The following ABCA13 variants were observed in gnomAD, a reference collection of about 807,000 sequenced individuals.
ABCA13 encodes ATP-binding cassette sub-family A member 13.
Under a neutral mutation model 478.7 loss-of-function variants are expected in ABCA13, and 476 were observed. The ratio of observed to expected loss-of-function variants is 0.99; its 90% confidence interval spans 0.92 to 1.07. The LOEUF is 1.07. ABCA13 is among the 50% of genes least tolerant of loss of function. The pLI, the probability that ABCA13 is intolerant of heterozygous loss-of-function variation, is 0.00. For missense variants in ABCA13, 6,060 were observed against 5,910.6 expected (o/e 1.03, Z -0.83); for synonymous variants, 2,252 against 2,158.9 (o/e 1.04, Z -1.20).
intron 59 of ABCA13, among the ~76,000 whole-genome samples, chr7:48,627,326 G>A (rs1460943079): frequency 6.6e-6 from 1 of 152,078 alleles, no homozygotes; most frequent in Non-Finnish European, 1.5e-5. Context: ...AAAGAACAAA[G>A]CTTTGCTTCA....
chr7:48,415,057 A>G (rs1819792056), intron 41 of ABCA13, among the ~76,000 whole-genome samples: 1 of 152,172 alleles, frequency 6.6e-6, no homozygotes, highest in African/African-American at 2.4e-5. Flanking sequence ...TTTTCCCCAG[A>G]TTGCATGAGT....
chr7:48,385,078 A>G (rs1302317093), intron 35 of ABCA13, among the ~76,000 whole-genome samples: 1 of 152,206 alleles, frequency 6.6e-6, no homozygotes, highest in Non-Finnish European at 1.5e-5. Flanking sequence ...AACTCAGCCC[A>G]CAAAGAAAAG....
chr7:48,455,319 T>C, intron 43 of ABCA13, 33 bp downstream of exon 43: 1 of 1,573,558 alleles, frequency 6.4e-7, no homozygotes, highest in Non-Finnish European at 8.7e-7. Context: ...ATTTCGAAAT[T>C]ATGTCGAGGC....
At chr7:48,482,592 C>T (rs2130567694) in intron 46 of ABCA13, among the ~76,000 whole-genome samples, 1 of 151,854 alleles carries the variant, frequency 6.6e-6, no homozygotes, top group Middle Eastern at 3.4e-3. Flanking sequence ...CAGGGTTTCA[C>T]CATGTTGGCC....
At chr7:48,425,780 G>T (rs1821327206) in intron 41 of ABCA13, among the ~76,000 whole-genome samples, 2 of 150,224 alleles carry the variant, frequency 1.3e-5, no homozygotes, top group South Asian at 4.3e-4. Flanking sequence ...TCTCGCTGTC[G>T]CCCAGGTTGG....
intron 47 of ABCA13, among the ~76,000 whole-genome samples, chr7:48,487,647 A>C (rs11762388): frequency 0.16 from 25,076 of 152,240 alleles, 2,275 homozygotes; most frequent in East Asian, 0.3. Flanking sequence ...GGGGAGAAGG[A>C]GGTCACAGAC....
At chr7:48,323,859 G>A (rs996186015) in intron 27 of ABCA13, among the ~76,000 whole-genome samples, 3 of 152,118 alleles carry the variant, frequency 2.0e-5, no homozygotes, top group African/African-American at 7.2e-5. Flanking sequence ...TACTGTTCTC[G>A]TGAGAGTGAA....
At chr7:48,406,620 T>A (rs1194633849) in intron 39 of ABCA13, among the ~76,000 whole-genome samples, 1 of 152,020 alleles carries the variant, frequency 6.6e-6, no homozygotes, top group Non-Finnish European at 1.5e-5. Context: ...TGCCTATAAT[T>A]CCAGCACTTT....
At chr7:48,333,231 GACCATCTAGTGAGTTCTT>G (rs1805684800) in intron 27 of ABCA13, among the ~76,000 whole-genome samples, 1 of 152,144 alleles carries the variant, frequency 6.6e-6, no homozygotes, top group African/African-American at 2.4e-5. Context: ...CTTCTACTGA[GACCATCTAGTGAGTTCTT>G]GTATTTGCGT....
intron 26 of ABCA13, 114 bp from the exon 27 acceptor site, chr7:48,317,043 A>T: frequency 7.5e-7 from 1 of 1,336,636 alleles, no homozygotes; most frequent in South Asian, 1.4e-5. Flanking sequence ...TGGTGTCAGA[A>T]AAAAATATGG....
chr7:48,330,997 A>C (rs758601457), intron 27 of ABCA13, among the ~76,000 whole-genome samples: 37 of 152,302 alleles, frequency 2.4e-4, no homozygotes, highest in Admixed American at 1.2e-3. Flanking sequence ...TCCTTTTCAA[A>C]TCTTCAAATT....
At chr7:48,226,703 G>A (rs1015304143) in intron 5 of ABCA13, among the ~76,000 whole-genome samples, 2 of 152,084 alleles carry the variant, frequency 1.3e-5, no homozygotes, top group Non-Finnish European at 2.9e-5. Flanking sequence ...AGGCACTGGA[G>A]ACCCATGTTC....
At chr7:48,322,998 C>T (rs1449505279) in intron 27 of ABCA13, among the ~76,000 whole-genome samples, 2 of 152,124 alleles carry the variant, frequency 1.3e-5, no homozygotes, top group Non-Finnish European at 2.9e-5. Context: ...CTGTGATTCA[C>T]CCAGGTCATT....
intron 41 of ABCA13, among the ~76,000 whole-genome samples, chr7:48,420,148 A>G (rs760227079): frequency 1.3e-5 from 2 of 152,200 alleles, no homozygotes; most frequent in Non-Finnish European, 2.9e-5. Context: ...TACAGGAGTG[A>G]GGAGGACCTG....
intron 59 of ABCA13, among the ~76,000 whole-genome samples, chr7:48,631,001 G>A (rs1450773755): frequency 6.6e-6 from 1 of 151,354 alleles, no homozygotes; most frequent in Non-Finnish European, 1.5e-5. Context: ...TTTTTTAATG[G>A]GGTTATTTGT....
At chr7:48,415,693 T>C (rs998814243) in intron 41 of ABCA13, among the ~76,000 whole-genome samples, 16 of 152,208 alleles carry the variant, frequency 1.1e-4, no homozygotes, top group Non-Finnish European at 2.2e-4. Flanking sequence ...AGTGAAATTT[T>C]GTGGAACATT....
intron 53 of ABCA13, among the ~76,000 whole-genome samples, chr7:48,523,858 A>G (rs532273958): frequency 6.6e-6 from 1 of 152,194 alleles, no homozygotes; most frequent in Non-Finnish European, 1.5e-5. Flanking sequence ...GTACTTTTAT[A>G]TACAATCTAC....
intron 8 of ABCA13, among the ~76,000 whole-genome samples, chr7:48,237,274 T>C (rs1362449425): frequency 2.0e-5 from 3 of 152,086 alleles, no homozygotes; most frequent in African/African-American, 7.2e-5. Flanking sequence ...CAGTGGCTGA[T>C]TATCATTTAG....
At chr7:48,239,545 G>A in intron 9 of ABCA13, 140 bp downstream of exon 9, 1 of 1,007,016 alleles carries the variant, frequency 9.9e-7, no homozygotes, top group Non-Finnish European at 1.4e-6. Context: ...CCCACATCCT[G>A]GCCATTGAGT....
Sources: gnomAD v4.1 joint callset for allele counts (sites outside exome capture counted in the v4.1 genomes callset) on GRCh38, gnomAD v4.1.1 for gene constraint, MANE v1.5 for transcripts, NCBI Gene and HGNC (gene_info 2026-07-23, HGNC 2026-07-21) for gene names.